SCML2: variants seen among roughly 807,000 people sequenced by gnomAD.
The protein encoded by SCML2 is sex comb on midleg-like protein 2.
Under a neutral mutation model 48.4 loss-of-function variants are expected in SCML2, and 6 were observed. The observed-to-expected ratio is 0.12, with a 90% CI of 0.07 to 0.24. The LOEUF (loss-of-function observed/expected upper bound fraction) is 0.24, where lower values mean the gene tolerates loss of function less well. Ranked by LOEUF, SCML2 falls within the 10% of genes least tolerant of loss-of-function variation. SCML2 has a pLI of 1.00. For missense variants in SCML2, 377 were observed against 528.2 expected, an observed-to-expected ratio of 0.71 and a Z score of 2.81; for synonymous variants, 181 against 189.5, an observed-to-expected ratio of 0.95 and a Z score of 0.37.
chrX:18,312,307 C>CCAAGGA (rs1302323404), intron 6 of SCML2, among the ~76,000 whole-genome samples: 1 of 110,821 alleles, frequency 9.0e-6, no homozygotes, highest in Non-Finnish European at 1.9e-5. Context: ...GTTCCAGGAT[C>CCAAGGA]CACTGAAGAT....
At chrX:18,272,001 G>A (rs958965791) in intron 7 of SCML2, among the ~76,000 whole-genome samples, 1 of 110,229 alleles carries the variant, frequency 9.1e-6, no homozygotes, top group South Asian at 4.0e-4. Context: ...TATAAACCCC[G>A]TGAGCTTCCT....
chrX:18,314,036 C>T (rs1929040952), intron 6 of SCML2, among the ~76,000 whole-genome samples: 1 of 111,713 alleles, frequency 9.0e-6, no homozygotes, highest in Admixed American at 9.6e-5. Context: ...GGAATGATCT[C>T]CATATAGTCT....
intron 1 of SCML2, among the ~76,000 whole-genome samples, chrX:18,335,457 T>C (rs1357348089): frequency 2.7e-5 from 3 of 111,221 alleles, no homozygotes; most frequent in Non-Finnish European, 5.7e-5. Flanking sequence ...TAAGCTGTGA[T>C]TGTGCCACTG....
intron 10 of SCML2, 65 bp downstream of exon 10, chrX:18,257,979 G>A (rs747108447): frequency 3.1e-6 from 2 of 644,303 alleles, no homozygotes; most frequent in African/African-American, 2.8e-5. Context: ...GGAAGGGAAG[G>A]GGGAAGGGAA....
Position 18,256,901 on chromosome X carries a change from C to A in SCML2, c.1403G>T (p.Ser468Ile). Residue 468 changes from serine (S) to isoleucine (I), a missense_variant, in exon 11 of 15, where the codon AGT becomes ATT. This residue lies in a region of SCML2 where 299 missense variants were observed against 425.5 expected (regional missense o/e 0.70). Transcript: ENST00000251900. ...GCTGTGAGTATGACCCCTGGAAGAACTAAAAGGCTGGCTACTCAAAAGGTT... is the reference window on the plus strand; with the variant it reads ...GCTGTGAGTATGACCCCTGGAAGAAATAAAAGGCTGGCTACTCAAAAGGTT... ...CDNLLSSQPF[S>I]SSRGHTHSSA... 8.3e-7 allele frequency: 1 copy of A among 1,207,090 alleles called. No homozygotes were observed.
intron 1 of SCML2, among the ~76,000 whole-genome samples, chrX:18,350,237 C>A (rs1426586342): frequency 9.1e-6 from 1 of 110,453 alleles, no homozygotes; most frequent in Non-Finnish European, 1.9e-5. Flanking sequence ...CAAGATCACA[C>A]CACCGCACTC....
At position 18,330,618 on chromosome X, in the gene SCML2, A is replaced by T; in HGVS notation, c.60T>A (p.Thr20=). 1 of 1,177,681 alleles carries T rather than the reference A, an allele frequency of 8.5e-7. No individual in the cohort carries two copies. The highest frequency in any genetic ancestry group is 3.0e-5 in the East Asian group (1 of 32,962). The change falls in exon 3 of 15, where the codon ACT becomes ACA. Residue 20 remains threonine (T), a synonymous_variant. Coordinates refer to ENST00000251900, the MANE Select transcript of SCML2 (RefSeq NM_006089.3). ...GTACAGAAGATGTACTTGACTGAGG[A>T]GTTTTCTCTTGATTCTCCTTCTTGA... ...MDVKKENQEK[T]PQSSTSSVQR...
intron 1 of SCML2, among the ~76,000 whole-genome samples, chrX:18,347,139 A>T (rs761726331): frequency 3.6e-5 from 4 of 112,180 alleles, no homozygotes; most frequent in Non-Finnish European, 7.5e-5. Flanking sequence ...CTGAATTAAG[A>T]CTAATCAATA....
At chrX:18,245,559 C>CA (rs1382853214) in intron 13 of SCML2, among the ~76,000 whole-genome samples, 1 of 111,616 alleles carries the variant, frequency 9.0e-6, no homozygotes, top group East Asian at 2.8e-4. Context: ...CCATAGATAA[C>CA]ACCCATGATC....
At chrX:18,328,225 G>C (rs1239206960) in intron 3 of SCML2, among the ~76,000 whole-genome samples, 3 of 111,578 alleles carry the variant, frequency 2.7e-5, no homozygotes, top group African/African-American at 9.8e-5. Flanking sequence ...TCTTCCACCA[G>C]TGCTATCCTT....
At chrX:18,306,888 C>T (rs1602122479) in intron 6 of SCML2, among the ~76,000 whole-genome samples, 1 of 110,568 alleles carries the variant, frequency 9.0e-6, no homozygotes, top group East Asian at 2.9e-4. Context: ...GGGCTGGTCT[C>T]GAACTCCTGG....
At chrX:18,346,976 G>T (rs190058951) in intron 1 of SCML2, among the ~76,000 whole-genome samples, 1 of 111,550 alleles carries the variant, frequency 9.0e-6, no homozygotes, top group African/African-American at 3.3e-5. Flanking sequence ...TTGTGGAATT[G>T]AACATGAGTC....
At chrX:18,332,853 T>A (rs1204597621) in intron 2 of SCML2, among the ~76,000 whole-genome samples, 1 of 109,225 alleles carries the variant, frequency 9.2e-6, no homozygotes, top group Non-Finnish European at 1.9e-5. Flanking sequence ...GTGGCACACA[T>A]CTGCAGCCTC....
intron 7 of SCML2, among the ~76,000 whole-genome samples, chrX:18,302,344 C>T (rs1928619349): frequency 9.0e-6 from 1 of 110,820 alleles, no homozygotes; most frequent in Non-Finnish European, 1.9e-5. Context: ...TGGAAGCCAA[C>T]CTAGTGATCT....
chrX:18,243,578 T>C (rs1161060791), intron 13 of SCML2, among the ~76,000 whole-genome samples: 5 of 112,272 alleles, frequency 4.5e-5, no homozygotes, highest in African/African-American at 1.6e-4. Flanking sequence ...AAGATTATTT[T>C]CTGCTAAGCT....
At chrX:18,246,202 A>G (rs1926438994) in intron 13 of SCML2, among the ~76,000 whole-genome samples, 1 of 112,617 alleles carries the variant, frequency 8.9e-6, no homozygotes, top group South Asian at 3.7e-4. Context: ...GAGGCCAGGA[A>G]TGTCTCAAGA....
intron 8 of SCML2, among the ~76,000 whole-genome samples, chrX:18,261,746 T>C (rs1241892815): frequency 1.8e-5 from 2 of 109,955 alleles, no homozygotes; most frequent in Admixed American, 1.9e-4. Context: ...TTCACCATTA[T>C]ACCAACTAAT....
intron 13 of SCML2, among the ~76,000 whole-genome samples, chrX:18,244,999 CAG>C (rs1926391559): frequency 9.0e-6 from 1 of 111,620 alleles, no homozygotes; most frequent in African/African-American, 3.3e-5. Flanking sequence ...ACCCTGGAGT[CAG>C]AGTGTTTGAG....
chrX:18,259,698 G>A (rs1349086720), intron 9 of SCML2, among the ~76,000 whole-genome samples: 1 of 111,806 alleles, frequency 8.9e-6, no homozygotes, highest in Non-Finnish European at 1.9e-5. Context: ...TTTTTAAAGT[G>A]ACTTCTATTT....
Sources: gnomAD v4.1 joint callset for allele counts (sites outside exome capture counted in the v4.1 genomes callset) on GRCh38, gnomAD v4.1.1 for gene constraint, gnomAD v4.1.1 regional missense constraint, MANE v1.5 for transcripts, NCBI Gene and HGNC (gene_info 2026-07-23, HGNC 2026-07-21) for gene names.